PDE8B: variants seen among roughly 807,000 people sequenced by gnomAD.
The protein encoded by PDE8B is phosphodiesterase 8B.
Under a neutral mutation model 101.3 loss-of-function variants are expected in PDE8B, and 26 were observed. That is an observed-to-expected ratio of 0.26 (90% confidence interval 0.19 to 0.36). The LOEUF (loss-of-function observed/expected upper bound fraction) is 0.36, where lower values mean the gene tolerates loss of function less well. PDE8B is among the 10% of genes least tolerant of loss of function. The pLI is 1.00. For missense variants in PDE8B, 810 were observed against 1,163.1 expected (o/e 0.70, Z 4.42); for synonymous variants, 424 against 429.3 (o/e 0.99, Z 0.15).
At chr5:77,329,170 A>G (rs1017435352) in intron 4 of PDE8B, 113 bp downstream of exon 4, 4 of 773,638 alleles carry the variant, frequency 5.2e-6, no homozygotes, top group Non-Finnish European at 9.3e-6. Context: ...TGGGTCCTAG[A>G]ACACCAGCCT....
the PDE8B span, chr5:77,145,599 ATTGAG>A: frequency 6.6e-6 from 1 of 152,198 alleles, no homozygotes. Flanking sequence ...TGGAAGCTTA[ATTGAG>A]TTATCTTTCA....
At chr5:77,186,363 G>T in the PDE8B span, among the ~76,000 whole-genome samples, 1 of 152,262 alleles carries the variant, frequency 6.6e-6, no homozygotes, top group African/African-American at 2.4e-5. Context: ...TATTATCCTT[G>T]TTACAGTTAA....
At chr5:77,421,166 C>T (rs550679830) in intron 19 of PDE8B, among the ~76,000 whole-genome samples, 1 of 152,304 alleles carries the variant, frequency 6.6e-6, no homozygotes, top group African/African-American at 2.4e-5. Flanking sequence ...GCTGAACACA[C>T]CTGCTCCTGA....
intron 1 of PDE8B, among the ~76,000 whole-genome samples, chr5:77,266,889 C>T (rs1226396378): frequency 6.6e-6 from 1 of 151,090 alleles, no homozygotes; most frequent in African/African-American, 2.4e-5. Flanking sequence ...TGGAGAATTT[C>T]ATTCAACAAA....
intron 2 of PDE8B, among the ~76,000 whole-genome samples, chr5:77,324,653 T>G (rs932505754): frequency 1.3e-5 from 2 of 152,222 alleles, no homozygotes; most frequent in African/African-American, 4.8e-5. Context: ...GATCATTCTT[T>G]CCAGATTCTG....
intron 1 of PDE8B, among the ~76,000 whole-genome samples, chr5:77,293,219 T>A (rs528334248): frequency 6.6e-6 from 1 of 152,336 alleles, no homozygotes; most frequent in African/African-American, 2.4e-5. Flanking sequence ...ATCTTTTTGT[T>A]GATCTCTCTG....
At chr5:77,125,456 C>T in the PDE8B span, among the ~76,000 whole-genome samples, 1 of 152,166 alleles carries the variant, frequency 6.6e-6, no homozygotes, top group Non-Finnish European at 1.5e-5. Context: ...CAATTCCACT[C>T]CTAAGTATAT....
At chr5:77,201,949 G>A in the PDE8B span, among the ~76,000 whole-genome samples, 1 of 152,286 alleles carries the variant, frequency 6.6e-6, no homozygotes, top group Non-Finnish European at 1.5e-5. Context: ...CTTGCAGGTG[G>A]TGCATTCTCT....
chr5:77,207,531 A>C (rs1360530336), upstream of PDE8B, among the ~76,000 whole-genome samples: 2 of 151,746 alleles, frequency 1.3e-5, no homozygotes, highest in African/African-American at 4.8e-5. Flanking sequence ...TCTCCACTTA[A>C]TTATTTTTTT....
At chr5:77,308,394 C>G (rs1259158700) in intron 1 of PDE8B, among the ~76,000 whole-genome samples, 1 of 152,082 alleles carries the variant, frequency 6.6e-6, no homozygotes, top group Non-Finnish European at 1.5e-5. Flanking sequence ...TGAAGTGAGG[C>G]TGGGAGGAGA....
chr5:77,211,727 C>T lies in PDE8B; in HGVS notation c.339+463C>T, dbSNP rs946410254. The stretch of plus-strand genomic sequence containing the variant: ...TAGTGCCCCATATTCCGATTTTTAC[C>T]TGGGATTACCAGCCAGGCTGGAGTC... On this transcript the variant is annotated intron_variant, in intron 1 of 21. Coordinates refer to ENST00000264917, the MANE Select transcript of PDE8B (RefSeq NM_003719.5). This position sits in a 1 kb window ranked among gnomAD's most constrained non-coding sequence, Gnocchi z 4.1. 2.6e-5 allele frequency among the ~76,000 whole-genome samples: 4 copies of T among 152,206 alleles called. No homozygotes were observed. The East Asian group carries it at 7.7e-4, about 29-fold the overall frequency.
At chr5:77,293,952 G>T (rs892504631) in intron 1 of PDE8B, among the ~76,000 whole-genome samples, 2 of 152,052 alleles carry the variant, frequency 1.3e-5, no homozygotes, top group Non-Finnish European at 1.5e-5. Context: ...TATAAGTCCG[G>T]TATCACATTT....
chr5:77,133,720 A>G, the PDE8B span, among the ~76,000 whole-genome samples: 2 of 152,242 alleles, frequency 1.3e-5, no homozygotes, highest in South Asian at 4.1e-4. Flanking sequence ...GTCTTCATGC[A>G]CAATGATAAA....
At chr5:77,426,370 A>C (rs1355379431) in intron 21 of PDE8B, 75 bp from the exon 22 acceptor site, 1 of 937,642 alleles carries the variant, frequency 1.1e-6, no homozygotes, top group Non-Finnish European at 1.7e-6. Context: ...AACTTGTCCC[A>C]GACACCCCCA....
At chr5:77,291,444 G>A (rs1767322700) in intron 1 of PDE8B, 2 of 1,611,236 alleles carry the variant, frequency 1.2e-6, no homozygotes, top group African/African-American at 1.3e-5. Context: ...TGCCCACGAT[G>A]CATCCATTGC....
intron 6 of PDE8B, among the ~76,000 whole-genome samples, chr5:77,342,510 CAG>C (rs980170272): frequency 2.2e-4 from 31 of 143,890 alleles, no homozygotes; most frequent in African/African-American, 6.4e-4. Flanking sequence ...TAACATTTTT[CAG>C]AGTTTTTTTT....
chr5:77,396,157 A>G (rs562308985), intron 10 of PDE8B, among the ~76,000 whole-genome samples: 2 of 152,406 alleles, frequency 1.3e-5, no homozygotes, highest in Admixed American at 1.3e-4. Flanking sequence ...GATGATGCCT[A>G]TCTACAAAAG....
the PDE8B span, among the ~76,000 whole-genome samples, chr5:77,202,385 C>A: frequency 6.6e-6 from 1 of 152,120 alleles, no homozygotes; most frequent in African/African-American, 2.4e-5. Context: ...AAGATCAACC[C>A]CTCCTCCTCT....
intron 1 of PDE8B, among the ~76,000 whole-genome samples, chr5:77,267,373 G>A (rs925930174): frequency 2.6e-5 from 4 of 151,822 alleles, no homozygotes; most frequent in African/African-American, 9.7e-5. Context: ...CTGGGAGGCG[G>A]AGGTCGCAGT....
Sources: gnomAD v4.1 joint callset for allele counts (sites outside exome capture counted in the v4.1 genomes callset) on GRCh38, gnomAD v4.1.1 for gene constraint, Gnocchi (gnomAD v3.1) non-coding constraint, MANE v1.5 for transcripts, NCBI Gene and HGNC (gene_info 2026-07-23, HGNC 2026-07-21) for gene names.